RRAS2: variants seen among roughly 807,000 people sequenced by gnomAD.
RRAS2 encodes RAS related 2, also known as ras-related protein R-Ras2.
RRAS2 carries 7 observed loss-of-function variants against 27.6 expected under a neutral mutation model. The observed-to-expected ratio is 0.25, with a 90% CI of 0.14 to 0.48. The LOEUF is 0.48. Among genes scored for constraint, RRAS2 ranks in the 20% least tolerant of loss-of-function variants. The pLI, the probability that RRAS2 is intolerant of heterozygous loss-of-function variation, is 0.99. For missense variants in RRAS2, 178 were observed against 256.2 expected (o/e 0.69, Z 2.08); for synonymous variants, 86 against 90.9 (o/e 0.95, Z 0.31).
Position 14,299,792 on chromosome 11 carries a change from T to C in RRAS2, c.109-3937A>G, listed in dbSNP as rs371325266. On this transcript the variant is annotated intron_variant, in intron 1 of 5. Transcript: ENST00000256196. ...GGTATTACTGGGGGCAAGAGAAGGA[T>C]TGGGGCATTTTAAGTCTATACCCAA... 7.9e-5 allele frequency among the ~76,000 whole-genome samples: 12 copies of C among 152,204 alleles called. No homozygotes were observed. In the East Asian group the frequency reaches 2.1e-3, roughly 27 times the overall value.
rs1275766467 is a variant in RRAS2 at position 14,296,172 on chromosome 11, C to A, written c.109-317G>T. Among the ~76,000 whole-genome samples the A allele has an allele frequency of 4.6e-5, 7 of 151,332 alleles. No homozygotes were observed. In the East Asian group the frequency reaches 9.7e-4, roughly 21 times the overall value. ...TCCAGCCTGGGAGACAGGACAAGACCCTGTCTCAAAAATAAAAATAAATAA... is the reference window on the plus strand; with the variant it reads ...TCCAGCCTGGGAGACAGGACAAGACACTGTCTCAAAAATAAAAATAAATAA... On this transcript the variant is annotated intron_variant, in intron 1 of 5. Coordinates refer to ENST00000256196, the MANE Select transcript of RRAS2 (RefSeq NM_012250.6).
intron 1 of RRAS2, among the ~76,000 whole-genome samples, chr11:14,311,951 G>C (rs1178300555): frequency 1.3e-5 from 2 of 151,466 alleles, no homozygotes; most frequent in Non-Finnish European, 2.9e-5. Context: ...TGCAACCTCC[G>C]CCTCCCAGGT....
chr11:14,309,561 TAAG>T (rs1332953663), intron 1 of RRAS2, among the ~76,000 whole-genome samples: 2 of 152,106 alleles, frequency 1.3e-5, no homozygotes, highest in Admixed American at 6.5e-5. Context: ...TGATACTGCA[TAAG>T]ATAGCCAGAG....
chr11:14,315,854 A>G (rs182852018), intron 1 of RRAS2, among the ~76,000 whole-genome samples: 19 of 152,292 alleles, frequency 1.2e-4, no homozygotes, highest in African/African-American at 3.1e-4. Context: ...TAGACCCACT[A>G]AACAGTTTCT....
intron 1 of RRAS2, among the ~76,000 whole-genome samples, chr11:14,324,685 T>C (rs530120897): frequency 4.6e-5 from 7 of 152,344 alleles, no homozygotes; most frequent in South Asian, 4.1e-4. Flanking sequence ...AAAAAGTTCC[T>C]GGCACATAGC....
At chr11:14,318,068 A>C (rs1848150563) in intron 1 of RRAS2, among the ~76,000 whole-genome samples, 1 of 152,250 alleles carries the variant, frequency 6.6e-6, no homozygotes, top group Non-Finnish European at 1.5e-5. Context: ...GTTAGGACTA[A>C]AGCTGTCCTT....
intron 1 of RRAS2, among the ~76,000 whole-genome samples, chr11:14,330,543 G>C (rs1591477366): frequency 6.6e-6 from 1 of 152,046 alleles, no homozygotes; most frequent in Non-Finnish European, 1.5e-5. Flanking sequence ...TTGGGGTTGG[G>C]GGAACACCAT....
chr11:14,300,523 T>C (rs1847670186), intron 1 of RRAS2, among the ~76,000 whole-genome samples: 1 of 152,014 alleles, frequency 6.6e-6, no homozygotes, highest in East Asian at 1.9e-4. Flanking sequence ...GAGGTTGCAG[T>C]GAGCCATGAT....
intron 1 of RRAS2, among the ~76,000 whole-genome samples, chr11:14,301,559 T>C (rs1291648998): frequency 6.6e-6 from 1 of 152,242 alleles, no homozygotes; most frequent in African/African-American, 2.4e-5. Flanking sequence ...GCAGGGACTT[T>C]GTCAGAGAAG....
intron 1 of RRAS2, among the ~76,000 whole-genome samples, chr11:14,319,427 C>T (rs1304740335): frequency 3.6e-5 from 5 of 140,492 alleles, no homozygotes; most frequent in Non-Finnish European, 7.5e-5. Flanking sequence ...GGCGCAATCT[C>T]GGCTCAGTGC....
chr11:14,306,230 C>T (rs1423262672), intron 1 of RRAS2, among the ~76,000 whole-genome samples: 1 of 151,196 alleles, frequency 6.6e-6, no homozygotes, highest in Non-Finnish European at 1.5e-5. Context: ...AAATCGTTGC[C>T]CCTTATTAAA....
intron 1 of RRAS2, among the ~76,000 whole-genome samples, chr11:14,303,249 AATTTCCTTTTAC>A (rs1847757008): frequency 6.6e-6 from 1 of 152,186 alleles, no homozygotes; most frequent in African/African-American, 2.4e-5. Context: ...TGCTACTTAC[AATTTCCTTTTAC>A]AATTGCTTAT....
intron 4 of RRAS2, among the ~76,000 whole-genome samples, chr11:14,282,755 A>C (rs944823053): frequency 6.6e-6 from 1 of 152,200 alleles, no homozygotes; most frequent in Admixed American, 6.5e-5. Flanking sequence ...TAACACTATA[A>C]AAATAGGATC....
chr11:14,285,459 T>C (rs1328859854), intron 4 of RRAS2, among the ~76,000 whole-genome samples: 4 of 152,216 alleles, frequency 2.6e-5, no homozygotes, highest in Admixed American at 2.6e-4. Flanking sequence ...TACTTCATAA[T>C]GCGTTTATTT....
At chr11:14,280,292 AT>A (rs1849488407) in intron 5 of RRAS2, among the ~76,000 whole-genome samples, 1 of 152,084 alleles carries the variant, frequency 6.6e-6, no homozygotes, top group Non-Finnish European at 1.5e-5. Flanking sequence ...TTAAAAAAAA[AT>A]GGGACTGGGA....
intron 1 of RRAS2, among the ~76,000 whole-genome samples, chr11:14,316,830 C>T (rs1395312676): frequency 6.6e-6 from 1 of 152,160 alleles, no homozygotes; most frequent in Admixed American, 6.5e-5. Flanking sequence ...TTGTAATTCA[C>T]CAAACTTTGG....
At chr11:14,289,013 G>C (rs1849740729) in intron 4 of RRAS2, among the ~76,000 whole-genome samples, 1 of 152,070 alleles carries the variant, frequency 6.6e-6, no homozygotes, top group Non-Finnish European at 1.5e-5. Context: ...AAATTGACCT[G>C]TCAAAACCGA....
chr11:14,360,925 A>G (rs1849183982), upstream of RRAS2, among the ~76,000 whole-genome samples: 1 of 151,954 alleles, frequency 6.6e-6, no homozygotes, highest in African/African-American at 2.4e-5. Flanking sequence ...AAAAAAAAAA[A>G]AAAAAGTGCT....
chr11:14,335,892 C>G (rs140447333), intron 1 of RRAS2, among the ~76,000 whole-genome samples: 1 of 152,184 alleles, frequency 6.6e-6, no homozygotes, highest in Non-Finnish European at 1.5e-5. Context: ...CAGAACAGGA[C>G]GTCCCAGCAA....
Sources: gnomAD v4.1 joint callset for allele counts (sites outside exome capture counted in the v4.1 genomes callset) on GRCh38, gnomAD v4.1.1 for gene constraint, MANE v1.5 for transcripts, NCBI Gene and HGNC (gene_info 2026-07-23, HGNC 2026-07-21) for gene names.